The following MTA3 variants were observed in gnomAD, a reference collection of about 807,000 sequenced individuals.
MTA3 encodes metastasis associated 1 family member 3.
A neutral mutation model predicts 83.5 loss-of-function variants in MTA3; 34 were observed. The ratio of observed to expected loss-of-function variants is 0.41; its 90% CI spans 0.31 to 0.54. The LOEUF (loss-of-function observed/expected upper bound fraction) is 0.54. Among genes scored for constraint, MTA3 ranks in the 20% least tolerant of loss-of-function variants. The probability of loss-of-function intolerance (pLI) is 0.33; values close to 1 mark genes in which losing one functional copy is unlikely to be tolerated. For synonymous variants in MTA3, 303 were observed against 252.7 expected (o/e 1.20, Z -1.89); for missense variants, 761 against 726.4 (o/e 1.05, Z -0.55).
chr2:42,532,241 T>A (rs1676014687), intron 2 of MTA3, among the ~76,000 whole-genome samples: 2 of 152,258 alleles, frequency 1.3e-5, no homozygotes, highest in African/African-American at 4.8e-5. Context: ...CCGTGTGCAG[T>A]GGCTCATACC....
chr2:42,607,477 T>C (rs543011085), intron 3 of MTA3, among the ~76,000 whole-genome samples: 16 of 152,278 alleles, frequency 1.1e-4, no homozygotes, highest in Non-Finnish European at 2.2e-4. Flanking sequence ...CCTCCTGGGC[T>C]CAAGCGATCC....
chr2:42,548,843 TATA>T (rs1558428353), intron 2 of MTA3, among the ~76,000 whole-genome samples: 1 of 8,492 alleles, frequency 1.2e-4, no homozygotes, highest in Non-Finnish European at 2.4e-4. Context: ...TATATATATA[TATA>T]ATATATATAT....
intron 3 of MTA3, among the ~76,000 whole-genome samples, chr2:42,595,182 T>C (rs1681643102): frequency 7.6e-6 from 1 of 130,872 alleles, no homozygotes; most frequent in Admixed American, 9.3e-5. Flanking sequence ...CGATCTCAGC[T>C]CACTGCAAGC....
chr2:42,647,568 A>G (rs941138397), intron 6 of MTA3, among the ~76,000 whole-genome samples: 1 of 149,712 alleles, frequency 6.7e-6, no homozygotes. Context: ...CAGTCTTGGA[A>G]TGTTTTAACC....
intron 16 of MTA3, 120 bp from the exon 17 acceptor site, chr2:42,753,254 C>G (rs1007219622): frequency 2.6e-6 from 4 of 1,512,620 alleles, no homozygotes; most frequent in African/African-American, 2.8e-5. Flanking sequence ...CTTTGACCTA[C>G]TGCTGAGCCT....
chr2:42,678,417 T>C (rs1573588668), intron 8 of MTA3, among the ~76,000 whole-genome samples: 1 of 152,058 alleles, frequency 6.6e-6, no homozygotes. Flanking sequence ...GGCTCACTGC[T>C]ACTTCCACCT....
At chr2:42,582,103 G>A (rs912944716) in intron 3 of MTA3, among the ~76,000 whole-genome samples, 7 of 151,962 alleles carry the variant, frequency 4.6e-5, no homozygotes, top group Non-Finnish European at 1.5e-5. Context: ...TGTCGCCCAG[G>A]CTGGAGTGTA....
chr2:42,707,859 TTAAA>T (rs750098225), intron 12 of MTA3, 40 bp from the exon 13 acceptor site: 12 of 1,468,774 alleles, frequency 8.2e-6, no homozygotes, highest in Non-Finnish European at 1.1e-5. Flanking sequence ...ATGTTACAAA[TTAAA>T]TAGCATTTTT....
intron 2 of MTA3, among the ~76,000 whole-genome samples, chr2:42,543,917 T>C (rs1390906902): frequency 6.6e-6 from 1 of 152,064 alleles, no homozygotes; most frequent in Admixed American, 6.6e-5. Context: ...TCTCAAACTC[T>C]TGGGCTCAAG....
At position 42,609,570 on chromosome 2, in the gene MTA3, C is replaced by T. The variant is rs781204306; in HGVS notation, c.303C>T (p.Pro101=). 16 of 1,613,376 alleles carry T rather than the reference C, an allele frequency of 9.9e-6. No homozygotes were observed. Among genetic ancestry groups the T allele is most frequent in the Middle Eastern group, 1.6e-4 (1 of 6,084 alleles). ...LFLSRQYESL[P]ATHIRGKCSV... is the part of the protein sequence containing the mutation. ...TGTCACGCCAGTATGAATCTCTGCC[C>T]GCAACACATATCAGGTAAGAACTTT... The change falls in exon 4 of 17, where the codon CCC becomes CCT. Residue 101 remains proline, a synonymous_variant. Coordinates refer to ENST00000405094, the MANE Select transcript of MTA3 (RefSeq NM_001330442.2).
chr2:42,592,503 G>C (rs550059531), intron 3 of MTA3, among the ~76,000 whole-genome samples: 1 of 152,262 alleles, frequency 6.6e-6, no homozygotes, highest in African/African-American at 2.4e-5. Context: ...AGTATTGCTT[G>C]AGCCTGGGAG....
chr2:42,756,071 C>G lies in MTA3; in HGVS notation c.*2672C>G. ...TTTTCATCCAGAGATTTGTTTAACA[C>G]AAAACAAGAAAAGCTGAGAGGCAAA... On this transcript the variant is annotated 3_prime_UTR_variant, in exon 17 of 17. Transcript: ENST00000405094. The G allele has an allele frequency of 1.0e-6, 1 of 966,186 alleles. No individual in the cohort carries two copies. Among genetic ancestry groups the G allele is most frequent in the Non-Finnish European group, 1.2e-6 (1 of 812,450 alleles). 59.9% of individuals were successfully genotyped at this position (966,186 alleles called of 1,614,324 possible). A position where few individuals can be genotyped will look rare whatever the true frequency, so the allele number is the denominator to read the frequency against.
chr2:42,558,115 C>T (rs957026296), intron 2 of MTA3, among the ~76,000 whole-genome samples: 43 of 152,054 alleles, frequency 2.8e-4, no homozygotes, highest in Admixed American at 2.8e-3. Context: ...CTTTTGGGAC[C>T]GGTACTTCCC....
intron 7 of MTA3, 109 bp from the exon 8 acceptor site, chr2:42,659,654 C>T: frequency 2.7e-6 from 2 of 732,992 alleles, no homozygotes; most frequent in Admixed American, 4.4e-5. Context: ...GTTTTTGCCT[C>T]TTCTTTTACA....
intron 16 of MTA3, among the ~76,000 whole-genome samples, chr2:42,732,114 C>T (rs1056028580): frequency 2.0e-5 from 3 of 152,188 alleles, no homozygotes; most frequent in African/African-American, 7.2e-5. Flanking sequence ...GCCCTCTTCT[C>T]ACGGCTGCAC....
intron 2 of MTA3, among the ~76,000 whole-genome samples, chr2:42,543,153 T>C (rs1362432964): frequency 6.6e-6 from 1 of 152,080 alleles, no homozygotes; most frequent in African/African-American, 2.4e-5. Flanking sequence ...TTTGCTGGAA[T>C]TCAGGATCTG....
chr2:42,546,390 G>T (rs980253194), intron 2 of MTA3, among the ~76,000 whole-genome samples: 15 of 152,010 alleles, frequency 9.9e-5, no homozygotes, highest in Non-Finnish European at 2.2e-4. Context: ...TGCTCTACTT[G>T]GTTTTCTGAC....
At chr2:42,643,184 C>A (rs1390295491) in intron 5 of MTA3, among the ~76,000 whole-genome samples, 5 of 151,866 alleles carry the variant, frequency 3.3e-5, no homozygotes, top group Non-Finnish European at 7.4e-5. Flanking sequence ...GTAAGAACTC[C>A]CATAGGAGAG....
At chr2:42,632,843 T>C (rs1428788883) in intron 4 of MTA3, among the ~76,000 whole-genome samples, 1 of 152,180 alleles carries the variant, frequency 6.6e-6, no homozygotes, top group Non-Finnish European at 1.5e-5. Flanking sequence ...GTGTGGCTTC[T>C]TTTAAGTTTT....
Sources: gnomAD v4.1 joint callset for allele counts (sites outside exome capture counted in the v4.1 genomes callset) on GRCh38, gnomAD v4.1.1 for gene constraint, MANE v1.5 for transcripts, NCBI Gene and HGNC (gene_info 2026-07-23, HGNC 2026-07-21) for gene names.